ROBO2: variants seen among roughly 807,000 people sequenced by gnomAD.
ROBO2 encodes roundabout homolog 2.
Under a neutral mutation model 160.8 loss-of-function variants are expected in ROBO2, and 53 were observed. That is an observed-to-expected ratio of 0.33 (90% CI 0.26 to 0.41). The LOEUF is 0.41. ROBO2 is among the 10% of genes least tolerant of loss of function. The pLI is 1.00. For synonymous variants in ROBO2, 664 were observed against 611.7 expected (o/e 1.09, Z -1.26); for missense variants, 1,577 against 1,722.4 (o/e 0.92, Z 1.49).
At chr3:76,146,374 G>T (rs2071888218) in intron 2 of ROBO2, among the ~76,000 whole-genome samples, 1 of 151,748 alleles carries the variant, frequency 6.6e-6, no homozygotes, top group African/African-American at 2.4e-5. Context: ...TGTGTTATCA[G>T]CAAAGTCCCC....
chr3:76,699,799 C>T (rs1425734709), intron 2 of ROBO2, among the ~76,000 whole-genome samples: 2 of 152,162 alleles, frequency 1.3e-5, no homozygotes, highest in Non-Finnish European at 2.9e-5. Context: ...GCAGCTAACA[C>T]TGACCTTCCT....
At chr3:76,779,566 A>G (rs959527410) in intron 2 of ROBO2, among the ~76,000 whole-genome samples, 1 of 150,802 alleles carries the variant, frequency 6.6e-6, no homozygotes, top group Admixed American at 6.6e-5. Context: ...GGGTTTGGCT[A>G]TTTTAGGTTC....
chr3:77,125,678 A>G (rs1468695671), intron 2 of ROBO2, among the ~76,000 whole-genome samples: 1 of 152,212 alleles, frequency 6.6e-6, no homozygotes, highest in East Asian at 1.9e-4. Context: ...TGTCTTAGAT[A>G]TAGAAAAAGT....
chr3:77,404,062 G>A (rs1226622844), intron 2 of ROBO2, among the ~76,000 whole-genome samples: 1 of 151,970 alleles, frequency 6.6e-6, no homozygotes, highest in Non-Finnish European at 1.5e-5. Flanking sequence ...GAAAGAATTG[G>A]GGAATAATAA....
chr3:77,474,034 AT>A (rs2083682417), intron 2 of ROBO2, among the ~76,000 whole-genome samples: 1 of 152,090 alleles, frequency 6.6e-6, no homozygotes. Flanking sequence ...GAAGAAAACC[AT>A]TACCTCTGGC....
At chr3:76,691,456 A>G (rs2092800069) in intron 2 of ROBO2, among the ~76,000 whole-genome samples, 1 of 152,144 alleles carries the variant, frequency 6.6e-6, no homozygotes, top group Admixed American at 6.6e-5. Context: ...TTGGAAACGG[A>G]TCAAAAATAG....
intron 2 of ROBO2, among the ~76,000 whole-genome samples, chr3:77,392,139 T>A (rs2153501798): frequency 6.6e-6 from 1 of 152,330 alleles, no homozygotes; most frequent in South Asian, 2.1e-4. Context: ...AAATTATATT[T>A]AGACTACTAG....
chr3:75,968,142 G>A (rs750968781), intron 2 of ROBO2, among the ~76,000 whole-genome samples: 2 of 151,680 alleles, frequency 1.3e-5, no homozygotes, highest in East Asian at 3.9e-4. Flanking sequence ...GACAATAGGT[G>A]CCTGAATCAA....
intron 2 of ROBO2, among the ~76,000 whole-genome samples, chr3:75,955,628 T>C (rs1050353528): frequency 1.3e-5 from 2 of 151,594 alleles, no homozygotes; most frequent in African/African-American, 4.8e-5. Context: ...AAACTTAAAG[T>C]ATAATAATAA....
At chr3:76,849,156 T>C (rs929162462) in intron 2 of ROBO2, among the ~76,000 whole-genome samples, 1 of 152,156 alleles carries the variant, frequency 6.6e-6, no homozygotes, top group African/African-American at 2.4e-5. Flanking sequence ...ATAATGTAGA[T>C]AGTAAATATG....
chr3:77,346,856 T>C (rs1391721108), intron 2 of ROBO2, among the ~76,000 whole-genome samples: 1 of 152,152 alleles, frequency 6.6e-6, no homozygotes, highest in Non-Finnish European at 1.5e-5. Context: ...CCTTTCTCCT[T>C]TGTCCTTTCT....
At chr3:76,823,676 C>T (rs2066315841) in intron 2 of ROBO2, among the ~76,000 whole-genome samples, 1 of 152,042 alleles carries the variant, frequency 6.6e-6, no homozygotes. Context: ...AAAAACATCC[C>T]AGGCAAAGAG....
chr3:77,029,612 T>G (rs760789671), intron 2 of ROBO2, among the ~76,000 whole-genome samples: 4 of 152,200 alleles, frequency 2.6e-5, no homozygotes, highest in Non-Finnish European at 4.4e-5. Flanking sequence ...CAGGACTGAA[T>G]ATTTTCATTT....
At chr3:77,189,544 T>C (rs2081617714) in intron 2 of ROBO2, among the ~76,000 whole-genome samples, 2 of 152,058 alleles carry the variant, frequency 1.3e-5, no homozygotes, top group African/African-American at 4.8e-5. Flanking sequence ...GAACAGTGCC[T>C]GTTCAATCTA....
chr3:76,367,304 C>T (rs993452774), intron 2 of ROBO2, among the ~76,000 whole-genome samples: 2 of 151,932 alleles, frequency 1.3e-5, no homozygotes, highest in African/African-American at 4.8e-5. Context: ...AAAACTCATG[C>T]CTGTAGTTAT....
intron 2 of ROBO2, among the ~76,000 whole-genome samples, chr3:76,038,034 G>A (rs567297516): frequency 5.3e-5 from 8 of 152,134 alleles, no homozygotes; most frequent in Non-Finnish European, 7.4e-5. Flanking sequence ...GGAAGATACC[G>A]GAAAGTTTCA....
intron 2 of ROBO2, among the ~76,000 whole-genome samples, chr3:77,323,372 A>C (rs1188628344): frequency 1.3e-5 from 2 of 151,996 alleles, no homozygotes; most frequent in African/African-American, 4.8e-5. Context: ...TGTATCTCTC[A>C]AGACCCTGAT....
At chr3:76,349,229 C>T (rs2074724349) in intron 2 of ROBO2, among the ~76,000 whole-genome samples, 1 of 151,420 alleles carries the variant, frequency 6.6e-6, no homozygotes, top group Admixed American at 6.6e-5. Flanking sequence ...AAATAAATAT[C>T]AAAACAAAAA....
Position 77,627,335 on chromosome 3 carries a change from A to C in ROBO2, c.3760+4903A>C, listed in dbSNP as rs577052675. Among the ~76,000 whole-genome samples, 4 of 151,826 alleles carry C rather than the reference A, an allele frequency of 2.6e-5. No individual in the cohort carries two copies. In the South Asian group the frequency reaches 8.3e-4, roughly 32 times the overall value. ...CGCTCTGTCACCCAGGTTGGTGTGC[A>C]GTGGCACTATCTCTGTTCACTGCAA... On this transcript the variant is annotated intron_variant, in intron 23 of 25. Coordinates refer to ENST00000461745, the Ensembl canonical transcript of ROBO2.
Sources: allele counts gnomAD v4.1 joint callset (sites outside exome capture counted in the v4.1 genomes callset), GRCh38; gene constraint gnomAD v4.1.1; transcripts MANE v1.5; gene names NCBI Gene and HGNC (gene_info 2026-07-23, HGNC 2026-07-21).